Variants in MAMDC2 observed in about 807,000 individuals in gnomAD.
MAMDC2 encodes the protein MAM domain-containing protein 2.
In MAMDC2, 57 loss-of-function variants were observed where a neutral mutation model predicts 89.8. The observed-to-expected ratio is 0.63, with a 90% CI of 0.51 to 0.79. The LOEUF is 0.79. Ranked by LOEUF, MAMDC2 falls within the 30% of genes least tolerant of loss-of-function variation. The pLI is 0.00. For synonymous variants in MAMDC2, 313 were observed against 293.4 expected (o/e 1.07, Z -0.68); for missense variants, 800 against 820.6 (o/e 0.97, Z 0.31).
intron 2 of MAMDC2, among the ~76,000 whole-genome samples, chr9:70,093,112 T>A (rs1336583818): frequency 3.9e-5 from 6 of 152,206 alleles, no homozygotes; most frequent in Admixed American, 3.9e-4. Context: ...TATGTATCTG[T>A]ACTATAGTGA....
chr9:70,114,092 C>A (rs1828579596), intron 5 of MAMDC2, among the ~76,000 whole-genome samples: 1 of 151,376 alleles, frequency 6.6e-6, no homozygotes, highest in East Asian at 1.9e-4. Context: ...GTCTCCAACT[C>A]TTTTTTTCAA....
chr9:70,108,259 C>T lies in MAMDC2; in HGVS notation c.197C>T (p.Ala66Val). The T allele has an allele frequency of 6.2e-7, 1 of 1,612,344 alleles. No individual in the cohort carries two copies. Among genetic ancestry groups the T allele is most frequent in the Non-Finnish European group, 8.5e-7 (1 of 1,179,294 alleles). ...TCCTTTGGCAAGCAGGGGGAGAAAG[C>T]TGTGCTGCTAAGTCCTGACTTACAG... Reference protein sequence around the residue: ...DTSFGKQGEKAVLLSPDLQAE... With the variant: ...DTSFGKQGEKVVLLSPDLQAE... Residue 66 changes from alanine (A) to valine (V), a missense_variant, in exon 3 of 14, where the codon GCT becomes GTT. Transcript: ENST00000377182.
intron 6 of MAMDC2, among the ~76,000 whole-genome samples, chr9:70,128,087 G>A (rs749829089): frequency 2.6e-5 from 4 of 152,226 alleles, no homozygotes; most frequent in Non-Finnish European, 5.9e-5. Flanking sequence ...ATTCACTGGT[G>A]TTATTTGCTC....
chr9:70,182,068 G>C (rs1005235608), intron 11 of MAMDC2, among the ~76,000 whole-genome samples: 3 of 152,234 alleles, frequency 2.0e-5, no homozygotes, highest in African/African-American at 7.2e-5. Context: ...GCATGAAGCG[G>C]TGTTGAATTT....
intron 11 of MAMDC2, chr9:70,217,710 A>T (rs74659674): frequency 0.14 from 195,311 of 1,362,724 alleles, 15,803 homozygotes; most frequent in East Asian, 0.29. Context: ...GATTATATTT[A>T]AAAAAATTAC....
rs772040000 is a variant in MAMDC2 at position 70,109,687 on chromosome 9, T to C, written c.421-33T>C. On this transcript the variant is annotated intron_variant, in intron 3 of 13. Transcript: ENST00000377182. ...ACCAAGGAAACATGATGTTTTGAAG[T>C]CTAACTCCCCTTCTTCCCCATATGT... 4 of 1,537,850 alleles carry C rather than the reference T, an allele frequency of 2.6e-6. No homozygotes were observed. The East Asian group carries it at 9.0e-5, about 35-fold the overall frequency.
At chr9:70,058,220 C>T (rs527531623) in intron 2 of MAMDC2, among the ~76,000 whole-genome samples, 1 of 152,094 alleles carries the variant, frequency 6.6e-6, no homozygotes, top group Admixed American at 6.5e-5. Context: ...CTTATAATCC[C>T]CCTATGAAGA....
intron 2 of MAMDC2, chr9:70,081,363 C>T (rs1827650103): frequency 6.6e-6 from 1 of 152,166 alleles, no homozygotes; most frequent in Non-Finnish European, 1.5e-5. Context: ...GGAGAGCTGA[C>T]TTAGGCTTTG....
intron 11 of MAMDC2, among the ~76,000 whole-genome samples, chr9:70,201,839 G>A (rs1008244420): frequency 2.9e-4 from 41 of 142,426 alleles, no homozygotes; most frequent in East Asian, 8.4e-4. Flanking sequence ...GTTTATTTGC[G>A]TAGAGGTGTT....
intron 6 of MAMDC2, among the ~76,000 whole-genome samples, chr9:70,128,716 G>A (rs1481396773): frequency 6.6e-6 from 1 of 152,112 alleles, no homozygotes; most frequent in African/African-American, 2.4e-5. Context: ...GAGTGCAGTG[G>A]AGTGATCTTG....
chr9:70,055,643 G>A (rs570725273), intron 2 of MAMDC2, among the ~76,000 whole-genome samples: 1 of 152,276 alleles, frequency 6.6e-6, no homozygotes, highest in Admixed American at 6.5e-5. Flanking sequence ...TGTCTCCCGG[G>A]CAGTGGTGAG....
intron 2 of MAMDC2, among the ~76,000 whole-genome samples, chr9:70,051,285 T>C (rs1484968294): frequency 1.3e-5 from 2 of 152,198 alleles, no homozygotes; most frequent in African/African-American, 4.8e-5. Flanking sequence ...GTTTCCTCCC[T>C]ACTCAAATTA....
intron 9 of MAMDC2, 131 bp from the exon 10 acceptor site, chr9:70,168,571 G>T: frequency 1.6e-6 from 1 of 644,966 alleles, no homozygotes. Flanking sequence ...GTGTTCTGTT[G>T]TTCATACGGA....
intron 7 of MAMDC2, 95 bp from the exon 8 acceptor site, chr9:70,140,050 G>A: frequency 7.7e-7 from 1 of 1,307,024 alleles, no homozygotes; most frequent in East Asian, 2.8e-5. Flanking sequence ...GGTCTCCCCT[G>A]GTACAAATGT....
intron 7 of MAMDC2, among the ~76,000 whole-genome samples, chr9:70,135,473 A>AT (rs5898120): frequency 0.073 from 11,025 of 151,724 alleles, 579 homozygotes; most frequent in East Asian, 0.22. Flanking sequence ...TGCTTTTGAG[A>AT]TTTTTTTTTA....
chr9:70,090,838 T>C (rs1371536941), intron 2 of MAMDC2: 3 of 152,156 alleles, frequency 2.0e-5, no homozygotes, highest in Non-Finnish European at 4.4e-5. Flanking sequence ...TAGCTTAAGA[T>C]TGGAAAATTA....
Position 70,198,110 on chromosome 9 carries a change from AAAC to A in MAMDC2, c.1652-20226_1652-20224del, listed in dbSNP as rs562861417. ...TCTTACTGTTCCTAACTTGTAAATTAAACTTTATTATAAGTACATAGTATAGAA... is the reference window on the plus strand; with the variant it reads ...TCTTACTGTTCCTAACTTGTAAATTATTTATTATAAGTACATAGTATAGAA... On this transcript the variant is annotated intron_variant, in intron 11 of 13. Coordinates refer to ENST00000377182, the MANE Select transcript of MAMDC2 (RefSeq NM_153267.5). 1.1e-4 allele frequency among the ~76,000 whole-genome samples: 16 copies of A among 151,320 alleles called. No individual in the cohort carries two copies. The South Asian group carries it at 3.3e-3, about 32-fold the overall frequency.
chr9:70,159,359 G>A (rs1453038331), intron 9 of MAMDC2, among the ~76,000 whole-genome samples: 1 of 152,116 alleles, frequency 6.6e-6, no homozygotes, highest in East Asian at 1.9e-4. Context: ...TCTGTTATTA[G>A]GAGTTGGTTA....
intron 11 of MAMDC2, among the ~76,000 whole-genome samples, chr9:70,207,204 C>A (rs1458499461): frequency 6.6e-6 from 1 of 152,236 alleles, no homozygotes; most frequent in Non-Finnish European, 1.5e-5. Flanking sequence ...GGAATCACCA[C>A]ACTGTCTTCC....
Sources: allele counts gnomAD v4.1 joint callset (sites outside exome capture counted in the v4.1 genomes callset), GRCh38; gene constraint gnomAD v4.1.1; transcripts MANE v1.5; gene names NCBI Gene and HGNC (gene_info 2026-07-23, HGNC 2026-07-21).